Variants in MACROD1 observed in about 807,000 individuals in gnomAD.
MACROD1 encodes mono-ADP ribosylhydrolase 1.
A neutral mutation model predicts 41.4 loss-of-function variants in MACROD1; 31 were observed. The observed-to-expected ratio is 0.75, with a 90% confidence interval of 0.56 to 1.01. The LOEUF is 1.01. Ranked by LOEUF, MACROD1 falls within the 50% of genes least tolerant of loss-of-function variation. The pLI, the probability that MACROD1 is intolerant of heterozygous loss-of-function variation, is 0.00. For synonymous variants in MACROD1, 252 were observed against 203.4 expected (o/e 1.24, Z -2.03); for missense variants, 473 against 460.0 (o/e 1.03, Z -0.26).
rs992419027 is a variant in MACROD1, at chr11:64,025,880, C to T, written c.518-10599G>A. Among the ~76,000 whole-genome samples, 6 of 151,946 alleles carry T rather than the reference C, an allele frequency of 3.9e-5. No homozygotes were observed. In the South Asian group the frequency reaches 6.2e-4, roughly 16 times the overall value. On this transcript the variant is annotated intron_variant, in intron 3 of 10. Coordinates refer to ENST00000255681, the MANE Select transcript of MACROD1 (RefSeq NM_014067.4). ...GACTACAGGCACACATCACCACATC[C>T]GGCTAATTTTAAAATTTTCGGGCCG... is the stretch of plus-strand genomic sequence containing the variant.
At chr11:64,127,728 C>T (rs1231674486) in intron 3 of MACROD1, among the ~76,000 whole-genome samples, 1 of 152,132 alleles carries the variant, frequency 6.6e-6, no homozygotes, top group Non-Finnish European at 1.5e-5. Context: ...ATGGGTTATC[C>T]TGGAAGAGGC....
At chr11:64,113,502 ATGGATGGATAAT>A (rs1944899799) in intron 3 of MACROD1, among the ~76,000 whole-genome samples, 2 of 148,442 alleles carry the variant, frequency 1.3e-5, no homozygotes, top group South Asian at 4.3e-4. Flanking sequence ...GGATGGTTGG[ATGGATGGATAAT>A]TGGATGGATG....
Position 64,090,828 on chromosome 11 carries a change from G to A in MACROD1, c.517+60411C>T, listed in dbSNP as rs866055490. Among the ~76,000 whole-genome samples the A allele has an allele frequency of 3.3e-5, 5 of 152,174 alleles. No individual in the cohort carries two copies. Among genetic ancestry groups the A allele is most frequent in the Admixed American group, 6.5e-5 (1 of 15,300 alleles). ...CTGGGGCTCTGCAGAAGCAGAGCCC[G>A]AGTCGGGTCCAGCCCTGCACTCCCA... On this transcript the variant is annotated intron_variant, in intron 3 of 10. Coordinates refer to ENST00000255681, the MANE Select transcript of MACROD1 (RefSeq NM_014067.4). This position sits in a 1 kb window ranked among gnomAD's most constrained non-coding sequence, Gnocchi z 4.7.
chr11:64,058,420 CT>C (rs1943833093), intron 3 of MACROD1, among the ~76,000 whole-genome samples: 1 of 152,362 alleles, frequency 6.6e-6, no homozygotes, highest in Non-Finnish European at 1.5e-5. Context: ...GGGTCCTCCC[CT>C]GTATGCCAGG....
chr11:64,066,599 C>T (rs1944010283), intron 3 of MACROD1, among the ~76,000 whole-genome samples: 1 of 150,016 alleles, frequency 6.7e-6, no homozygotes, highest in South Asian at 2.1e-4. Context: ...CACTGCATTC[C>T]AGCCTCCAGC....
In MACROD1 at chr11:64,064,640, C is replaced by T. The variant is rs1943962419; in HGVS notation, c.518-49359G>A. ...ATCCTGACAGCATTGGAACAGGATG[C>T]AGAGTAGGGGCCTCTGGCAGGACAT... On this transcript the variant is annotated intron_variant, in intron 3 of 10. Coordinates refer to ENST00000255681, the MANE Select transcript of MACROD1 (RefSeq NM_014067.4). This position sits in a 1 kb window ranked among gnomAD's most constrained non-coding sequence, Gnocchi z 4.5. 6.6e-6 allele frequency among the ~76,000 whole-genome samples: 1 copy of T among 150,704 alleles called. No homozygotes were observed. The highest frequency in any genetic ancestry group is 1.5e-5 in the Non-Finnish European group (1 of 67,522).
rs1344279994 is a variant in MACROD1 at position 64,036,487 on chromosome 11, C to T, written c.518-21206G>A. On this transcript the variant is annotated intron_variant, in intron 3 of 10. Transcript: ENST00000255681. This position sits in a 1 kb window ranked among gnomAD's most constrained non-coding sequence, Gnocchi z 5.6. ...AGCTCTAGTCCAAGCCCTCGCTGCA[C>T]CCCCCAGGGAGGGGGCCTGGCCCGT... is the stretch of plus-strand genomic sequence containing the variant. Among the ~76,000 whole-genome samples, 1 of 151,224 alleles carries T rather than the reference C, an allele frequency of 6.6e-6. No homozygotes were observed.
chr11:64,053,492 C>T (rs1031670874), intron 3 of MACROD1, among the ~76,000 whole-genome samples: 1 of 152,026 alleles, frequency 6.6e-6, no homozygotes, highest in African/African-American at 2.4e-5. Context: ...GGGAGTGTGG[C>T]CAGGAACCCA....
intron 3 of MACROD1, chr11:64,116,522 C>G (rs760130318): frequency 9.9e-6 from 16 of 1,614,036 alleles, no homozygotes; most frequent in Non-Finnish European, 1.4e-5. Flanking sequence ...ATGCCACCAC[C>G]CTCTACCTGC....
chr11:64,014,847 G>A (rs924511689), intron 4 of MACROD1, among the ~76,000 whole-genome samples: 1 of 152,214 alleles, frequency 6.6e-6, no homozygotes, highest in Non-Finnish European at 1.5e-5. Context: ...CTGACTTTGT[G>A]AGACCTGTCC....
chr11:64,126,597 T>C (rs1240624399), intron 3 of MACROD1, among the ~76,000 whole-genome samples: 1 of 152,042 alleles, frequency 6.6e-6, no homozygotes, highest in African/African-American at 2.4e-5. Flanking sequence ...TAAAGCATTC[T>C]GGAGTGGCAC....
chr11:64,065,575 G>A (rs1241041345), intron 3 of MACROD1, among the ~76,000 whole-genome samples: 2 of 152,022 alleles, frequency 1.3e-5, no homozygotes, highest in Non-Finnish European at 2.9e-5. Flanking sequence ...GAATCACGAG[G>A]TCAGGAGATC....
chr11:64,165,737 CT>C lies in MACROD1; in HGVS notation c.257del (p.Lys86ArgfsTer4). On this transcript the variant is annotated frameshift_variant, in exon 1 of 11. Transcript: ENST00000255681. LOFTEE classifies it high-confidence loss of function. ...RTWAPLAMAA[K>X]VDLSTSTDWK... ...AGTCGGTGGAGGTGCTCAGGTCCAC[CT>C]TCGCCGCCATGGCCAGGGGGGCCCA... The C allele has an allele frequency of 6.7e-7, 1 of 1,498,194 alleles. No individual in the cohort carries two copies. 92.8% of individuals were successfully genotyped at this position (1,498,194 alleles called of 1,614,324 possible). A position where few individuals can be genotyped will look rare whatever the true frequency, so the allele number is the denominator to read the frequency against.
At chr11:64,030,902 G>C (rs1943285139) in intron 3 of MACROD1, among the ~76,000 whole-genome samples, 2 of 151,374 alleles carry the variant, frequency 1.3e-5, no homozygotes, top group Admixed American at 1.3e-4. Context: ...AAAAAAGGAA[G>C]GTGGGTGGGT....
intron 4 of MACROD1, among the ~76,000 whole-genome samples, chr11:64,007,642 G>A (rs1362881138): frequency 1.3e-5 from 2 of 152,130 alleles, no homozygotes; most frequent in African/African-American, 2.4e-5. Context: ...GTTCTGGTTC[G>A]GCCTCTGGAC....
At chr11:64,002,228 CG>C (rs1278213329) in intron 4 of MACROD1, among the ~76,000 whole-genome samples, 1 of 152,168 alleles carries the variant, frequency 6.6e-6, no homozygotes, top group Non-Finnish European at 1.5e-5. Context: ...CACCTGGCAC[CG>C]GCTGCTCGAA....
At chr11:64,080,098 C>T (rs1291683322) in intron 3 of MACROD1, among the ~76,000 whole-genome samples, 2 of 152,168 alleles carry the variant, frequency 1.3e-5, no homozygotes, top group South Asian at 2.1e-4. Flanking sequence ...CTGCAACCTC[C>T]GCCTCCCAGG....
chr11:64,133,112 G>A (rs1028165745), intron 3 of MACROD1, among the ~76,000 whole-genome samples: 1 of 152,164 alleles, frequency 6.6e-6, no homozygotes, highest in Non-Finnish European at 1.5e-5. Context: ...ACCTCCCACA[G>A]GAAGCCGTCC....
rs1943384318 is a variant in MACROD1 at position 64,036,549 on chromosome 11, C to T, written c.518-21268G>A. 6.6e-6 allele frequency among the ~76,000 whole-genome samples: 1 copy of T among 152,152 alleles called. No individual in the cohort carries two copies. Among genetic ancestry groups the T allele is most frequent in the African/African-American group, 2.4e-5 (1 of 41,452 alleles). ...GGCCGGTCATGTGGGTCCCAGCTCC[C>T]GCACTCGGGAACCGGAGGAGGGCGC... is the stretch of plus-strand genomic sequence containing the variant. On this transcript the variant is annotated intron_variant, in intron 3 of 10. Transcript: ENST00000255681. This position sits in a 1 kb window ranked among gnomAD's most constrained non-coding sequence, Gnocchi z 5.6.
Sources: allele counts gnomAD v4.1 joint callset (sites outside exome capture counted in the v4.1 genomes callset), GRCh38; gene constraint gnomAD v4.1.1; non-coding constraint Gnocchi (gnomAD v3.1); transcripts MANE v1.5; gene names NCBI Gene and HGNC (gene_info 2026-07-23, HGNC 2026-07-21).